The following VOPP1 variants were observed in gnomAD, a reference collection of about 807,000 sequenced individuals.
VOPP1 encodes VOPP1 WW domain binding protein, also known as WW domain binding protein VOPP1.
A neutral mutation model predicts 23.5 loss-of-function variants in VOPP1; 8 were observed. The observed-to-expected ratio is 0.34, with a 90% confidence interval of 0.20 to 0.61. The LOEUF is 0.61. Among genes scored for constraint, VOPP1 ranks in the 20% least tolerant of loss-of-function variants. The pLI is 0.78. For synonymous variants in VOPP1, 83 were observed against 97.3 expected (o/e 0.85, Z 0.86); for missense variants, 174 against 238.1 (o/e 0.73, Z 1.77).
intron 4 of VOPP1, among the ~76,000 whole-genome samples, chr7:55,477,094 G>A (rs966176239): frequency 6.6e-6 from 1 of 152,192 alleles, no homozygotes; most frequent in Non-Finnish European, 1.5e-5. Context: ...TAATTGCCAT[G>A]TATCTTTCAG....
chr7:55,447,396 A>G (rs986434061), intron 4 of VOPP1, among the ~76,000 whole-genome samples: 3 of 152,160 alleles, frequency 2.0e-5, no homozygotes, highest in Admixed American at 1.3e-4. Context: ...GAAGAAATGT[A>G]AGGAGGACTC....
At chr7:55,453,637 G>C (rs938913030) in intron 4 of VOPP1, among the ~76,000 whole-genome samples, 1 of 152,140 alleles carries the variant, frequency 6.6e-6, no homozygotes, top group African/African-American at 2.4e-5. Flanking sequence ...GCACCCTATA[G>C]TACAACACTA....
At chr7:55,526,404 A>C (rs964548088) in intron 1 of VOPP1, among the ~76,000 whole-genome samples, 2 of 152,202 alleles carry the variant, frequency 1.3e-5, no homozygotes, top group Admixed American at 6.5e-5. Flanking sequence ...TCCACTAGTA[A>C]TCCTCATAGT....
intron 4 of VOPP1, among the ~76,000 whole-genome samples, chr7:55,457,314 G>C (rs186818542): frequency 2.6e-5 from 4 of 151,940 alleles, no homozygotes; most frequent in East Asian, 3.8e-4. Flanking sequence ...TTTTAATAGC[G>C]AAACAGTATT....
intron 1 of VOPP1, among the ~76,000 whole-genome samples, chr7:55,539,218 G>A (rs578022663): frequency 1.1e-4 from 17 of 152,214 alleles, no homozygotes; most frequent in African/African-American, 4.1e-4. Flanking sequence ...GGTGGCACAC[G>A]TCTGTAATCC....
chr7:55,554,856 G>A (rs187183121), intron 1 of VOPP1, among the ~76,000 whole-genome samples: 1 of 152,208 alleles, frequency 6.6e-6, no homozygotes. Flanking sequence ...AGATGTAGAT[G>A]AGATTCCCCA....
intron 1 of VOPP1, among the ~76,000 whole-genome samples, chr7:55,569,575 A>G (rs1264257952): frequency 1.3e-5 from 2 of 152,156 alleles, no homozygotes; most frequent in East Asian, 1.9e-4. Flanking sequence ...TTAAGTGTTC[A>G]CTTCCCATTT....
At chr7:55,486,120 C>A (rs879879623) in intron 4 of VOPP1, among the ~76,000 whole-genome samples, 6 of 152,186 alleles carry the variant, frequency 3.9e-5, no homozygotes, top group African/African-American at 1.4e-4. Context: ...CCATCACTGG[C>A]GAAGCAGAGG....
intron 4 of VOPP1, among the ~76,000 whole-genome samples, chr7:55,463,113 T>C (rs1562886597): frequency 6.6e-6 from 1 of 152,210 alleles, no homozygotes; most frequent in Non-Finnish European, 1.5e-5. Flanking sequence ...ATTTTAAAAT[T>C]TGTTGAGATT....
At chr7:55,532,696 C>G (rs1333369529) in intron 1 of VOPP1, among the ~76,000 whole-genome samples, 1 of 152,068 alleles carries the variant, frequency 6.6e-6, no homozygotes, top group South Asian at 2.1e-4. Context: ...GAGGGAGGCT[C>G]CTCCCCTTTC....
downstream of VOPP1, among the ~76,000 whole-genome samples, chr7:55,467,319 C>T (rs1268031020): frequency 1.3e-5 from 2 of 152,190 alleles, no homozygotes; most frequent in Non-Finnish European, 2.9e-5. Context: ...GGGTGAGGGG[C>T]AGGAGGGAGT....
At chr7:55,436,394 A>C (rs1310471056) in intron 4 of VOPP1, among the ~76,000 whole-genome samples, 1 of 152,194 alleles carries the variant, frequency 6.6e-6, no homozygotes, top group Non-Finnish European at 1.5e-5. Context: ...GAGGATTTAA[A>C]TGACAAATGG....
At position 55,553,605 on chromosome 7, in the gene VOPP1, G is replaced by GC. The variant is rs562178521; in HGVS notation, c.54+18665dup. Among the ~76,000 whole-genome samples the GC allele has an allele frequency of 4.8e-3, 733 of 151,780 alleles. 5 individuals carry two copies. Among genetic ancestry groups the GC allele is most frequent in the African/African-American group, 0.016 (656 of 41,362 alleles). On this transcript the variant is annotated intron_variant, in intron 1 of 4. Coordinates refer to ENST00000285279, the MANE Select transcript of VOPP1 (RefSeq NM_030796.5). Reference sequence around the variant, plus strand: ...AATACTTTTCTCAACCCTTCCAGAAGCCCCCACTCCCTGACCTCAATCCCT... The same window carrying GC: ...AATACTTTTCTCAACCCTTCCAGAAGCCCCCCACTCCCTGACCTCAATCCCT...
chr7:55,470,374 C>T (rs889199284), downstream of VOPP1, among the ~76,000 whole-genome samples: 1 of 152,198 alleles, frequency 6.6e-6, no homozygotes, highest in Non-Finnish European at 1.5e-5. Flanking sequence ...GGTTAACTTA[C>T]AGTATCAACA....
chr7:55,483,626 C>T (rs1792907698), intron 4 of VOPP1, among the ~76,000 whole-genome samples: 1 of 152,232 alleles, frequency 6.6e-6, no homozygotes, highest in Non-Finnish European at 1.5e-5. Flanking sequence ...GCTCTCAAGT[C>T]ACCTTTGACC....
intron 1 of VOPP1, among the ~76,000 whole-genome samples, chr7:55,530,305 T>C (rs1217959065): frequency 6.6e-6 from 1 of 152,150 alleles, no homozygotes; most frequent in Non-Finnish European, 1.5e-5. Context: ...TGGTATCTCA[T>C]CGTGATTTTA....
intron 1 of VOPP1, chr7:55,552,643 C>A: frequency 6.5e-7 from 1 of 1,536,032 alleles, no homozygotes; most frequent in Non-Finnish European, 8.7e-7. Context: ...CAAAGTTGCC[C>A]TTTTCCTACC....
At chr7:55,525,489 CA>C (rs535700902) in intron 1 of VOPP1, among the ~76,000 whole-genome samples, 32,951 of 111,048 alleles carry the variant, frequency 0.3, 3,895 homozygotes, top group African/African-American at 0.4. Context: ...ACTCCGTCTC[CA>C]AAAAAAAAAA....
intron 1 of VOPP1, chr7:55,538,700 A>C: frequency 6.5e-7 from 1 of 1,528,790 alleles, no homozygotes; most frequent in Non-Finnish European, 8.8e-7. Context: ...TTAGCTGTTC[A>C]TCAAGAGAGG....
Sources: gnomAD v4.1 joint callset for allele counts (sites outside exome capture counted in the v4.1 genomes callset) on GRCh38, gnomAD v4.1.1 for gene constraint, MANE v1.5 for transcripts, NCBI Gene and HGNC (gene_info 2026-07-23, HGNC 2026-07-21) for gene names.